The following SYT2 variants were observed in gnomAD, a reference collection of about 807,000 sequenced individuals.
SYT2 encodes synaptotagmin-2.
A neutral mutation model predicts 39.9 loss-of-function variants in SYT2; 15 were observed. The observed-to-expected ratio is 0.38, with a 90% CI of 0.25 to 0.58. SYT2 has a LOEUF of 0.58. SYT2 is among the 20% of genes least tolerant of loss of function. The pLI is 0.70. For synonymous variants in SYT2, 181 were observed against 204.5 expected, an observed-to-expected ratio of 0.89 and a Z score of 0.98; for missense variants, 389 against 530.3, an observed-to-expected ratio of 0.73 and a Z score of 2.62.
In SYT2 at chr1:202,614,185, C is replaced by T. The variant is rs967326582; in HGVS notation, c.-17-8396G>A. ...CAAATAAACCAGCCAGGAATGAAGACGCTTAATGCTCCTGAGGTTCAGGGA... is the reference window on the plus strand; with the variant it reads ...CAAATAAACCAGCCAGGAATGAAGATGCTTAATGCTCCTGAGGTTCAGGGA... On this transcript the variant is annotated intron_variant, in intron 1 of 8. Transcript: ENST00000367268. The surrounding 1 kb of genome is among the most constrained non-coding windows in gnomAD (Gnocchi z 4.0). Among the ~76,000 whole-genome samples the T allele has an allele frequency of 1.3e-5, 2 of 152,148 alleles. No individual in the cohort carries two copies. Among genetic ancestry groups the T allele is most frequent in the South Asian group, 2.1e-4 (1 of 4,828 alleles).
At chr1:202,689,189 C>G (rs1653756060) in intron 1 of SYT2, among the ~76,000 whole-genome samples, 1 of 152,158 alleles carries the variant, frequency 6.6e-6, no homozygotes, top group African/African-American at 2.4e-5. Context: ...GCCCCCTACT[C>G]CCTAAGGAAG....
chr1:202,625,161 CTG>C (rs1344629057), intron 1 of SYT2, among the ~76,000 whole-genome samples: 441 of 1,980 alleles, frequency 0.22, 11 homozygotes, highest in African/African-American at 0.36. Flanking sequence ...TGTGGTGTGT[CTG>C]TGTGGTGTGT....
chr1:202,637,411 G>A (rs762891131), intron 1 of SYT2, among the ~76,000 whole-genome samples: 4 of 152,216 alleles, frequency 2.6e-5, no homozygotes, highest in Admixed American at 1.3e-4. Flanking sequence ...AGGGGCACAC[G>A]AGTCGGCTCA....
intron 1 of SYT2, among the ~76,000 whole-genome samples, chr1:202,625,075 T>G: frequency 1.3e-5 from 2 of 151,316 alleles, no homozygotes; most frequent in Admixed American, 6.6e-5. Flanking sequence ...TGTAGTAGGG[T>G]GTGTGTGTGG....
chr1:202,702,139 C>T (rs1654137408), intron 1 of SYT2, among the ~76,000 whole-genome samples: 1 of 152,132 alleles, frequency 6.6e-6, no homozygotes, highest in South Asian at 2.1e-4. Flanking sequence ...TTACTGTCTG[C>T]CCCAGGGCAC....
At chr1:202,619,435 G>A (rs1442612118) in intron 1 of SYT2, among the ~76,000 whole-genome samples, 1 of 152,202 alleles carries the variant, frequency 6.6e-6, no homozygotes, top group Non-Finnish European at 1.5e-5. Flanking sequence ...GAAGAGGTAG[G>A]GGTCTGGGAG....
At chr1:202,598,281 T>C (rs1458006742) in intron 8 of SYT2, among the ~76,000 whole-genome samples, 1 of 152,188 alleles carries the variant, frequency 6.6e-6, no homozygotes, top group African/African-American at 2.4e-5. Context: ...GAAACAGGCT[T>C]GGCTGGGAAG....
rs1456853535 is a variant in SYT2 at position 202,603,007 on chromosome 1, C to A, written c.457G>T (p.Ala153Ser). The A allele has an allele frequency of 1.2e-6, 2 of 1,605,776 alleles. No individual in the cohort carries two copies. The highest frequency in any genetic ancestry group is 8.5e-7 in the Non-Finnish European group (1 of 1,175,366). The change falls in exon 4 of 9, where the codon GCT (alanine) becomes TCT (serine). Residue 153 changes from alanine (A) to serine (S), a missense_variant. By Grantham distance (99) the Ala-to-Ser change is moderately conservative (BLOSUM62 1). Around this residue, in one of 4 missense-constraint regions of SYT2, gnomAD observed 280 missense variants for 335.6 expected, o/e 0.83. Transcript: ENST00000367268. ...LQFSLDYDFQ[A>S]NQLTVGVLQA... is the part of the protein sequence containing the mutation. ...CCCACAGCCCTGCATACCTGATTAG[C>A]CTGAAAATCATAGTCCAGGGAAAAC...
intron 1 of SYT2, among the ~76,000 whole-genome samples, chr1:202,607,750 G>T (rs1319887610): frequency 6.6e-6 from 1 of 152,170 alleles, no homozygotes; most frequent in Non-Finnish European, 1.5e-5. Context: ...CTTCGCCTCT[G>T]GGGACAAAGA....
intron 1 of SYT2, among the ~76,000 whole-genome samples, chr1:202,684,655 G>A (rs995073918): frequency 1.3e-5 from 2 of 151,930 alleles, no homozygotes; most frequent in Non-Finnish European, 2.9e-5. Context: ...GTGTCCACGG[G>A]AATTTGTCTC....
chr1:202,645,099 C>T (rs1452408237), intron 1 of SYT2, among the ~76,000 whole-genome samples: 2 of 152,186 alleles, frequency 1.3e-5, no homozygotes, highest in Non-Finnish European at 2.9e-5. Context: ...GGACACATGC[C>T]TGAGCCCCTC....
At chr1:202,685,539 C>T (rs912495320) in intron 1 of SYT2, among the ~76,000 whole-genome samples, 5 of 152,180 alleles carry the variant, frequency 3.3e-5, no homozygotes, top group Non-Finnish European at 5.9e-5. Context: ...ATCAGCCCTT[C>T]GTTGACCCAG....
Position 202,604,522 on chromosome 1 carries a change from T to C in SYT2, c.278A>G (p.Lys93Arg), listed in dbSNP as rs1399069348. Residue 93 changes from lysine to arginine, a missense_variant, in exon 3 of 9, where the codon AAG becomes AGG. Physicochemically the swap from Lys to Arg is conservative, Grantham distance 26. Around this residue, in one of 4 missense-constraint regions of SYT2, gnomAD observed 280 missense variants for 335.6 expected, o/e 0.83. Transcript: ENST00000367268. ...GCCTTTGCCCTTCTCCTTCTTGTTC[T>C]TCTTCTTCTTGCAGCAGCATTTCTT... The part of the protein sequence containing the change: ...ICKKCCCKKK[K>R]NKKEKGKGMK... 1 of 1,614,106 alleles carries C rather than the reference T, an allele frequency of 6.2e-7. No homozygotes were observed. The highest frequency in any genetic ancestry group is 1.3e-5 in the African/African-American group (1 of 75,056).
chr1:202,689,339 T>C (rs952997540), intron 1 of SYT2, among the ~76,000 whole-genome samples: 3 of 151,868 alleles, frequency 2.0e-5, no homozygotes, highest in Non-Finnish European at 4.4e-5. Flanking sequence ...CCATAACCCA[T>C]CCCCCATCAG....
At chr1:202,704,757 T>C (rs1654206773) in intron 1 of SYT2, among the ~76,000 whole-genome samples, 1 of 151,982 alleles carries the variant, frequency 6.6e-6, no homozygotes, top group South Asian at 2.1e-4. Context: ...GCTGATGACA[T>C]CAGCATGCCA....
chr1:202,612,268 C>T (rs1294789345), intron 1 of SYT2, among the ~76,000 whole-genome samples: 1 of 152,034 alleles, frequency 6.6e-6, no homozygotes, highest in South Asian at 2.1e-4. Flanking sequence ...CATGGCAATA[C>T]CACACTGATT....
chr1:202,680,552 C>T (rs1453759879), intron 1 of SYT2, among the ~76,000 whole-genome samples: 2 of 152,074 alleles, frequency 1.3e-5, no homozygotes, highest in African/African-American at 4.8e-5. Flanking sequence ...AAAAAACCCA[C>T]AACATTATCA....
intron 4 of SYT2, 22 bp downstream of exon 4, chr1:202,602,977 G>C: frequency 8.2e-6 from 13 of 1,583,322 alleles, no homozygotes; most frequent in South Asian, 3.4e-5. Flanking sequence ...CCCCCACTCT[G>C]CCCCCCCACA....
rs1415114309 is a variant in SYT2 at position 202,628,756 on chromosome 1, TG to T, written c.-17-22968del. Among the ~76,000 whole-genome samples, 5 of 152,170 alleles carry T rather than the reference TG, an allele frequency of 3.3e-5. No individual in the cohort carries two copies. Among genetic ancestry groups the T allele is most frequent in the African/African-American group, 7.2e-5 (3 of 41,430 alleles). ...TGGAAAGCCTCAACTTGGAATTCTA[TG>T]TGGATCCAAACCTAGAAGACAGCTC... On this transcript the variant is annotated intron_variant, in intron 1 of 8. Transcript: ENST00000367268. The surrounding 1 kb of genome is among the most constrained non-coding windows in gnomAD (Gnocchi z 4.2).
Sources: gnomAD v4.1 joint callset for allele counts (sites outside exome capture counted in the v4.1 genomes callset) on GRCh38, gnomAD v4.1.1 for gene constraint, gnomAD v4.1.1 regional missense constraint, Gnocchi (gnomAD v3.1) non-coding constraint, MANE v1.5 for transcripts, NCBI Gene and HGNC (gene_info 2026-07-23, HGNC 2026-07-21) for gene names.